Variants in WDFY3 observed in about 807,000 individuals in gnomAD.
WDFY3 encodes the protein WD repeat and FYVE domain-containing protein 3.
In WDFY3, 66 loss-of-function variants were observed where a neutral mutation model predicts 409.6. The ratio of observed to expected loss-of-function variants is 0.16; its 90% CI spans 0.13 to 0.20. WDFY3 has a LOEUF of 0.20. Ranked by LOEUF, WDFY3 falls within the 10% of genes least tolerant of loss-of-function variation. The probability of loss-of-function intolerance (pLI) is 1.00; values close to 1 mark genes in which losing one functional copy is unlikely to be tolerated. For synonymous variants in WDFY3, 1,521 were observed against 1,537.1 expected (o/e 0.99, Z 0.25); for missense variants, 3,031 against 4,298.1 (o/e 0.71, Z 8.24).
At position 84,695,509 on chromosome 4, in the gene WDFY3, T is replaced by TAGAGAGAGAGAGAGAGAG. The variant is rs869147060; in HGVS notation, c.8901+443_8901+460dup. On this transcript the variant is annotated intron_variant, in intron 58 of 67. Coordinates refer to ENST00000295888, the MANE Select transcript of WDFY3 (RefSeq NM_014991.6). ...ACACACACACAGAGACAGAGAGAGATAGAGAGAGAGAGAGAGAGAGAGAGA... is the reference window on the plus strand; with the variant it reads ...ACACACACACAGAGACAGAGAGAGATAGAGAGAGAGAGAGAGAGAGAGAGAGAGAGAGAGAGAGAGAGA... Among the ~76,000 whole-genome samples the TAGAGAGAGAGAGAGAGAG allele has an allele frequency of 5.6e-5, 6 of 107,358 alleles. No homozygotes were observed. The East Asian group carries it at 1.2e-3, about 21-fold the overall frequency. The allele number at this position is 107,358 out of a possible 152,430, so 70.4% of individuals were successfully genotyped here.
At chr4:84,802,427 T>A (rs1750758429) in intron 16 of WDFY3, among the ~76,000 whole-genome samples, 1 of 151,916 alleles carries the variant, frequency 6.6e-6, no homozygotes, top group Non-Finnish European at 1.5e-5. Context: ...GCCAGGCTAA[T>A]TTTTTGCATT....
intron 2 of WDFY3, among the ~76,000 whole-genome samples, chr4:84,929,300 C>A (rs1258384393): frequency 1.3e-5 from 2 of 152,168 alleles, no homozygotes; most frequent in Non-Finnish European, 2.9e-5. Flanking sequence ...CTTCAGATGA[C>A]ACCACAGGCC....
At chr4:84,813,362 A>C (rs1752802113) in intron 13 of WDFY3, among the ~76,000 whole-genome samples, 1 of 152,212 alleles carries the variant, frequency 6.6e-6, no homozygotes, top group African/African-American at 2.4e-5. Flanking sequence ...TTAAACGTAC[A>C]ATCATAATTA....
chr4:84,920,045 A>C (rs938558226), intron 2 of WDFY3, among the ~76,000 whole-genome samples: 2 of 152,206 alleles, frequency 1.3e-5, no homozygotes, highest in African/African-American at 4.8e-5. Context: ...ATAAAAAATA[A>C]GGAACAAAAA....
chr4:84,841,071 A>T, intron 6 of WDFY3, 83 bp downstream of exon 6: 1 of 1,075,344 alleles, frequency 9.3e-7, no homozygotes, highest in East Asian at 2.4e-5. Flanking sequence ...ATTTGGATAT[A>T]ATGATGAATT....
chr4:84,920,894 C>T (rs1037521422), intron 2 of WDFY3, among the ~76,000 whole-genome samples: 2 of 152,028 alleles, frequency 1.3e-5, no homozygotes, highest in African/African-American at 2.4e-5. Context: ...TAGCATTTCT[C>T]GTCTGATTTA....
chr4:84,868,158 C>A (rs1247614577), intron 3 of WDFY3, among the ~76,000 whole-genome samples: 2 of 99,022 alleles, frequency 2.0e-5, no homozygotes, highest in South Asian at 3.7e-4. Flanking sequence ...GGTGACAGAG[C>A]GAGACTCTGT....
chr4:84,800,015 AG>A (rs1750221734), intron 17 of WDFY3, among the ~76,000 whole-genome samples: 1 of 152,186 alleles, frequency 6.6e-6, no homozygotes, highest in South Asian at 2.1e-4. Flanking sequence ...CTACTTTTAA[AG>A]TAGCAGATTA....
chr4:84,766,888 G>A lies in WDFY3; in HGVS notation c.4850-516C>T, dbSNP rs187135372. ...AACGCATAAAGGAGAAATTAGAGAA[G>A]AAACGAAGAAATGGAGCTGAGACAT... On this transcript the variant is annotated intron_variant, in intron 30 of 67. Coordinates refer to ENST00000295888, the MANE Select transcript of WDFY3 (RefSeq NM_014991.6). 2.7e-4 allele frequency among the ~76,000 whole-genome samples: 41 copies of A among 152,332 alleles called. No homozygotes were observed. In the East Asian group the frequency reaches 7.9e-3, roughly 29 times the overall value.
chr4:84,836,816 C>T lies in WDFY3; in HGVS notation c.576+113G>A, dbSNP rs192153367. ...ATTATATGAGATAAAGTCATACTATCATAAATAAAATGAAATATGAGTTAA... is the reference window on the plus strand; with the variant it reads ...ATTATATGAGATAAAGTCATACTATTATAAATAAAATGAAATATGAGTTAA... On this transcript the variant is annotated intron_variant, in intron 7 of 67. Coordinates refer to ENST00000295888, the MANE Select transcript of WDFY3 (RefSeq NM_014991.6). 220 of 936,298 alleles carry T rather than the reference C, an allele frequency of 2.3e-4. 1 individual carries two copies. In the African/African-American group the frequency reaches 3.6e-3, roughly 15 times the overall value. The allele number at this position is 936,298 out of a possible 1,614,324, so 58.0% of individuals were successfully genotyped here. A position where few individuals can be genotyped will look rare whatever the true frequency, so the allele number is the denominator to read the frequency against.
At chr4:84,684,851 C>A (rs2148805350) in intron 62 of WDFY3, among the ~76,000 whole-genome samples, 1 of 152,284 alleles carries the variant, frequency 6.6e-6, no homozygotes. Flanking sequence ...GGTAAGAACA[C>A]AACCCACTAT....
chr4:84,908,667 G>T (rs1398555694), intron 2 of WDFY3, among the ~76,000 whole-genome samples: 1 of 152,136 alleles, frequency 6.6e-6, no homozygotes, highest in Non-Finnish European at 1.5e-5. Flanking sequence ...TTTATTGCTA[G>T]TATGAAGTAT....
Position 84,818,035 on chromosome 4 carries a change from T to A in WDFY3, c.1694-450A>T, listed in dbSNP as rs557686021. The stretch of plus-strand genomic sequence containing the variant: ...TGGGAAAAATTACAAGGAACCAACA[T>A]GTTTTGTTGCACAGGTAGAGCATAA... On this transcript the variant is annotated intron_variant, in intron 12 of 67. Coordinates refer to ENST00000295888, the MANE Select transcript of WDFY3 (RefSeq NM_014991.6). 3.5e-4 allele frequency among the ~76,000 whole-genome samples: 53 copies of A among 152,230 alleles called. No individual in the cohort carries two copies. In the South Asian group the frequency reaches 0.011, roughly 31 times the overall value.
In WDFY3 at chr4:84,909,918, T is replaced by C. The variant is rs184158721; in HGVS notation, c.-131-12908A>G. ...TTTTCCTAGTATAACTCCATAAGTA[T>C]TCATAATAAATTTAATATTTGCCAT... On this transcript the variant is annotated intron_variant, in intron 2 of 67. Transcript: ENST00000295888. 1.5e-4 allele frequency among the ~76,000 whole-genome samples: 23 copies of C among 152,304 alleles called. No homozygotes were observed. In the East Asian group the frequency reaches 4.2e-3, roughly 28 times the overall value.
chr4:84,714,760 C>T (rs542828075), intron 50 of WDFY3, among the ~76,000 whole-genome samples: 2 of 152,106 alleles, frequency 1.3e-5, no homozygotes, highest in East Asian at 3.9e-4. Flanking sequence ...ACCATCCTGG[C>T]TAACACGGTG....
chr4:84,857,020 A>G (rs1201190797), intron 4 of WDFY3, among the ~76,000 whole-genome samples: 3 of 152,200 alleles, frequency 2.0e-5, no homozygotes, highest in African/African-American at 7.2e-5. Context: ...AATAAGAATT[A>G]TTTTTAAAAT....
chr4:84,940,412 T>C (rs1771956137), intron 1 of WDFY3, among the ~76,000 whole-genome samples: 1 of 152,076 alleles, frequency 6.6e-6, no homozygotes, highest in African/African-American at 2.4e-5. Flanking sequence ...CCCATTTCCG[T>C]CCTTATTTTG....
chr4:84,817,412 A>G lies in WDFY3; in HGVS notation c.1867T>C (p.Leu623=). The G allele has an allele frequency of 6.2e-7, 1 of 1,613,698 alleles. No individual in the cohort carries two copies. Among genetic ancestry groups the G allele is most frequent in the South Asian group, 1.1e-5 (1 of 91,074 alleles). The part of the protein sequence containing the change: ...MHSAPPTELQ[L]KTDILRALLS... ...CTTACCCTTAAAATATCAGTCTTCA[A>G]CTGCAATTCCGTCGGTGGGGCTGAA... Residue 623 remains leucine, a synonymous_variant, in exon 13 of 68, where the codon TTG becomes CTG. Transcript: ENST00000295888.
intron 62 of WDFY3, chr4:84,687,834 T>C (rs911776320): frequency 2.9e-6 from 1 of 346,106 alleles, no homozygotes; most frequent in Admixed American, 4.6e-5. Context: ...CAACCTGAGT[T>C]GGTTCACCCC....
Sources: allele counts gnomAD v4.1 joint callset (sites outside exome capture counted in the v4.1 genomes callset), GRCh38; gene constraint gnomAD v4.1.1; transcripts MANE v1.5; gene names NCBI Gene and HGNC (gene_info 2026-07-23, HGNC 2026-07-21).